Variants in SLC25A30 observed in about 807,000 individuals in gnomAD.
SLC25A30 encodes the protein kidney mitochondrial carrier protein 1.
Under a neutral mutation model 42.7 loss-of-function variants are expected in SLC25A30, and 29 were observed. That is an observed-to-expected ratio of 0.68 (90% CI 0.51 to 0.93). The LOEUF (loss-of-function observed/expected upper bound fraction) is 0.93. Ranked by LOEUF, SLC25A30 falls within the 40% of genes least tolerant of loss-of-function variation. The probability of loss-of-function intolerance (pLI) is 0.00; values close to 1 mark genes in which losing one functional copy is unlikely to be tolerated. For synonymous variants in SLC25A30, 124 were observed against 131.0 expected, an observed-to-expected ratio of 0.95 and a Z score of 0.37; for missense variants, 300 against 359.7, an observed-to-expected ratio of 0.83 and a Z score of 1.34.
Position 45,401,118 on chromosome 13 carries a change from T to C in SLC25A30, c.579A>G (p.Ser193=), listed in dbSNP as rs759773828. Residue 193 remains serine (S), a synonymous_variant, in exon 7 of 10, where the codon TCA becomes TCG. Coordinates refer to ENST00000519676, the MANE Select transcript of SLC25A30 (RefSeq NM_001010875.4). ...TATACACAGTGTCTCCCATCAGGCC[T>C]GAGAGAATAAGATGCTTCTTGGTGA... ...YDITKKHLIL[S]GLMGDTVYTH... The C allele has an allele frequency of 6.2e-7, 1 of 1,614,026 alleles. No individual in the cohort carries two copies. Among genetic ancestry groups the C allele is most frequent in the Non-Finnish European group, 8.5e-7 (1 of 1,179,928 alleles).
the SLC25A30 span, among the ~76,000 whole-genome samples, chr13:45,425,091 T>TGTATATATATATATATGTATATATAC: frequency 3.2e-5 from 1 of 30,834 alleles, no homozygotes; most frequent in African/African-American, 1.6e-4. Flanking sequence ...AATATATAAA[T>TGTATATATATATATATGTATATATAC]ATATTTATAA....
chr13:45,424,811 A>AATATAAATATATAAAAATATATAT, the SLC25A30 span, among the ~76,000 whole-genome samples: 2 of 54,390 alleles, frequency 3.7e-5, no homozygotes, highest in East Asian at 7.7e-4. Context: ...TATATAAAAA[A>AATATAAATATATAAAAATATATAT]ATATAAATAT....
chr13:45,419,727 C>T (rs948564092), upstream of SLC25A30, among the ~76,000 whole-genome samples: 1 of 150,992 alleles, frequency 6.6e-6, no homozygotes, highest in Non-Finnish European at 1.5e-5. Context: ...GTCGGGAGTT[C>T]GAGACCAGCC....
intron 5 of SLC25A30, 129 bp from the exon 6 acceptor site, chr13:45,402,499 T>G: frequency 2.7e-6 from 2 of 745,272 alleles, no homozygotes; most frequent in Non-Finnish European, 4.5e-6. Flanking sequence ...AAAACTGTCA[T>G]ATAAATACTG....
chr13:45,415,121 A>G (rs527523483), intron 1 of SLC25A30, among the ~76,000 whole-genome samples: 144 of 152,318 alleles, frequency 9.5e-4, no homozygotes, highest in Non-Finnish European at 1.7e-3. Context: ...TATGAACATA[A>G]TACTAACACT....
the SLC25A30 span, among the ~76,000 whole-genome samples, chr13:45,424,596 T>A: frequency 7.1e-5 from 4 of 56,156 alleles, no homozygotes; most frequent in African/African-American, 2.3e-4. Context: ...TAAATATATA[T>A]AAATATATAT....
chr13:45,419,147 A>AG (rs1480952367), upstream of SLC25A30, among the ~76,000 whole-genome samples: 26 of 146,054 alleles, frequency 1.8e-4, no homozygotes, highest in African/African-American at 5.5e-4. Context: ...AAAAAAAAAA[A>AG]AAAAGAAAGA....
intron 5 of SLC25A30, among the ~76,000 whole-genome samples, chr13:45,403,342 C>A (rs1247546944): frequency 6.6e-6 from 1 of 152,102 alleles, no homozygotes; most frequent in Non-Finnish European, 1.5e-5. Flanking sequence ...AGGGCAGGGT[C>A]CTTGTCTTAC....
At chr13:45,424,613 A>G in the SLC25A30 span, among the ~76,000 whole-genome samples, 16 of 70,678 alleles carry the variant, frequency 2.3e-4, 1 homozygote, top group African/African-American at 6.4e-4. Flanking sequence ...ATATAAATAT[A>G]TATAAATATA....
the SLC25A30 span, among the ~76,000 whole-genome samples, chr13:45,424,630 T>TAA: frequency 0.074 from 3,806 of 51,578 alleles, 714 homozygotes; most frequent in Non-Finnish European, 0.092. Context: ...TATATATAAA[T>TAA]ATGTATATAA....
At chr13:45,419,340 CAG>C (rs1883811544), upstream of SLC25A30, among the ~76,000 whole-genome samples, 2 of 151,074 alleles carry the variant, frequency 1.3e-5, no homozygotes, top group African/African-American at 2.4e-5. Flanking sequence ...TGTTTTTAGA[CAG>C]AGCCTCACTC....
the SLC25A30 span, among the ~76,000 whole-genome samples, chr13:45,425,045 A>AATGTATAAATATATAAGTAT: frequency 1.6e-3 from 2 of 1,280 alleles, 1 homozygote; most frequent in Non-Finnish European, 3.0e-3. Flanking sequence ...AGTATATATA[A>AATGTATAAATATATAAGTAT]ATATATAAAT....
At chr13:45,399,108 A>G (rs1392338212) in intron 7 of SLC25A30, 30 bp from the exon 8 acceptor site, 4 of 1,560,068 alleles carry the variant, frequency 2.6e-6, no homozygotes, top group Non-Finnish European at 3.5e-6. Flanking sequence ...AAAAAAAAAA[A>G]AAGTTAACCA....
At position 45,413,617 on chromosome 13, in the gene SLC25A30, C is replaced by A. The variant is rs9567548; in HGVS notation, c.-55-2137G>T. On this transcript the variant is annotated intron_variant, in intron 1 of 9. Coordinates refer to ENST00000519676, the MANE Select transcript of SLC25A30 (RefSeq NM_001010875.4). ...TCCCCCAGGCTGGAATGCAATGGCT[C>A]AATCTCAGCTCACTGCAACCTCCAC... 5.3e-3 allele frequency among the ~76,000 whole-genome samples: 806 copies of A among 151,442 alleles called. 33 individuals are homozygous for A. The East Asian group carries it at 0.12, about 23-fold the overall frequency.
chr13:45,421,661 G>C (rs143225520), upstream of SLC25A30, among the ~76,000 whole-genome samples: 36 of 152,224 alleles, frequency 2.4e-4, no homozygotes, highest in African/African-American at 8.7e-4. Flanking sequence ...TTGCAAAATG[G>C]AAACAATACC....
chr13:45,402,372 T>G lies in SLC25A30; in HGVS notation c.394-2A>C, dbSNP rs1394538262. On this transcript the variant is annotated splice_acceptor_variant, in intron 5 of 9. Coordinates refer to ENST00000519676, the MANE Select transcript of SLC25A30 (RefSeq NM_001010875.4). LOFTEE classifies it high-confidence loss of function. Reference sequence around the variant, plus strand: ...GTTGCTTTGCGCTTGCATCCGAATCTAGAGATTATTTTAAAGACCAACATC... The same window carrying G: ...GTTGCTTTGCGCTTGCATCCGAATCGAGAGATTATTTTAAAGACCAACATC... 6.2e-7 allele frequency: 1 copy of G among 1,612,602 alleles called. No individual in the cohort carries two copies. Among genetic ancestry groups the G allele is most frequent in the Non-Finnish European group, 8.5e-7 (1 of 1,178,676 alleles).
chr13:45,411,711 A>C (rs1883042806), intron 1 of SLC25A30: 1 of 429,642 alleles, frequency 2.3e-6, no homozygotes, highest in Non-Finnish European at 4.4e-6. Flanking sequence ...TGACCTCAAG[A>C]AGTAATCAGC....
intron 8 of SLC25A30, chr13:45,398,085 G>A: frequency 1.0e-6 from 1 of 984,770 alleles, no homozygotes; most frequent in Non-Finnish European, 1.2e-6. Context: ...AAATGTGCTA[G>A]TGTCATGTTG....
intron 6 of SLC25A30, among the ~76,000 whole-genome samples, chr13:45,401,509 G>A (rs1881977241): frequency 6.6e-6 from 1 of 152,066 alleles, no homozygotes; most frequent in Non-Finnish European, 1.5e-5. Context: ...ATGATCTTTA[G>A]GGGCTATTCT....
Sources: allele counts gnomAD v4.1 joint callset (sites outside exome capture counted in the v4.1 genomes callset), GRCh38; gene constraint gnomAD v4.1.1; transcripts MANE v1.5; gene names NCBI Gene and HGNC (gene_info 2026-07-23, HGNC 2026-07-21).